TMEM132B: variants seen among roughly 807,000 people sequenced by gnomAD.
TMEM132B encodes the protein transmembrane protein 132B.
In TMEM132B, 18 loss-of-function variants were observed where a neutral mutation model predicts 90.8. The ratio of observed to expected loss-of-function variants is 0.20; its 90% CI spans 0.14 to 0.29. The LOEUF (loss-of-function observed/expected upper bound fraction) is 0.29. Among genes scored for constraint, TMEM132B ranks in the 10% least tolerant of loss-of-function variants. The probability of loss-of-function intolerance (pLI) is 1.00; values close to 1 mark genes in which losing one functional copy is unlikely to be tolerated. For missense variants in TMEM132B, 1,096 were observed against 1,326.8 expected (o/e 0.83, Z 2.70); for synonymous variants, 504 against 523.3 (o/e 0.96, Z 0.50).
chr12:125,358,904 T>G (rs1253268660), intron 2 of TMEM132B, among the ~76,000 whole-genome samples: 3 of 152,244 alleles, frequency 2.0e-5, no homozygotes, highest in Non-Finnish European at 4.4e-5. Flanking sequence ...ATGCAGTAAT[T>G]TCTAAGTGAA....
At chr12:125,281,691 C>A (rs1368911054) in intron 1 of TMEM132B, among the ~76,000 whole-genome samples, 1 of 152,128 alleles carries the variant, frequency 6.6e-6, no homozygotes, top group African/African-American at 2.4e-5. Flanking sequence ...ATCTCAGGTG[C>A]AAACTCTGAA....
chr12:125,290,240 G>T (rs1324009530), intron 1 of TMEM132B, among the ~76,000 whole-genome samples: 2 of 152,182 alleles, frequency 1.3e-5, no homozygotes, highest in Non-Finnish European at 2.9e-5. Flanking sequence ...GGCAATTCTA[G>T]AGCTTCACTT....
chr12:125,219,787 T>A (rs1873517989), intron 1 of TMEM132B, among the ~76,000 whole-genome samples: 1 of 152,240 alleles, frequency 6.6e-6, no homozygotes, highest in Admixed American at 6.5e-5. Flanking sequence ...CTTTCACAGG[T>A]GCCTCAGTGG....
intron 1 of TMEM132B, among the ~76,000 whole-genome samples, chr12:125,285,318 A>G (rs1875318743): frequency 6.6e-6 from 1 of 152,222 alleles, no homozygotes; most frequent in South Asian, 2.1e-4. Context: ...GCTAGCACTA[A>G]TGTTAGCTAC....
At chr12:125,427,528 T>C (rs990533671) in intron 3 of TMEM132B, among the ~76,000 whole-genome samples, 3 of 152,196 alleles carry the variant, frequency 2.0e-5, no homozygotes, top group African/African-American at 7.2e-5. Context: ...AACGCTCTTT[T>C]CGCAGTATCA....
intron 1 of TMEM132B, among the ~76,000 whole-genome samples, chr12:125,270,171 CTG>C (rs1874801780): frequency 6.8e-6 from 1 of 147,348 alleles, no homozygotes. Flanking sequence ...AGGTCTTGCT[CTG>C]TAACCCAGAC....
intron 3 of TMEM132B, among the ~76,000 whole-genome samples, chr12:125,462,870 G>T (rs1881476642): frequency 6.6e-6 from 1 of 152,176 alleles, no homozygotes; most frequent in South Asian, 2.1e-4. Context: ...ATATTTGTTT[G>T]TTTGTTTGAG....
chr12:125,243,446 ACAGGCGCCCG>A (rs1874135883), intron 1 of TMEM132B, among the ~76,000 whole-genome samples: 1 of 152,052 alleles, frequency 6.6e-6, no homozygotes, highest in Non-Finnish European at 1.5e-5. Flanking sequence ...AGCTGGGACT[ACAGGCGCCCG>A]CCAACATGCC....
intron 5 of TMEM132B, among the ~76,000 whole-genome samples, chr12:125,624,321 G>T (rs1886178585): frequency 6.6e-6 from 1 of 152,200 alleles, no homozygotes; most frequent in Admixed American, 6.5e-5. Flanking sequence ...GGACCTGCCA[G>T]TTGCCAGCTG....
chr12:125,462,667 C>G (rs535771388), intron 3 of TMEM132B, among the ~76,000 whole-genome samples: 1 of 152,214 alleles, frequency 6.6e-6, no homozygotes, highest in Admixed American at 6.5e-5. Context: ...TGGTTGAACT[C>G]GGAGTAGATG....
chr12:125,624,647 A>C, intron 5 of TMEM132B, among the ~76,000 whole-genome samples: 1 of 151,864 alleles, frequency 6.6e-6, no homozygotes, highest in Non-Finnish European at 1.5e-5. Flanking sequence ...GCATCATCCT[A>C]TACTATTGAC....
chr12:125,299,197 G>T (rs7313511), intron 1 of TMEM132B, among the ~76,000 whole-genome samples: 7 of 152,048 alleles, frequency 4.6e-5, no homozygotes, highest in Admixed American at 1.3e-4. Context: ...CCGCTTTTAT[G>T]AGGCTGTACC....
chr12:125,585,258 T>C (rs993879460), intron 5 of TMEM132B: 1 of 152,212 alleles, frequency 6.6e-6, no homozygotes, highest in Non-Finnish European at 1.5e-5. Flanking sequence ...GTGGACTGGC[T>C]TAAAACCTGC....
chr12:125,210,550 GT>G (rs1315816412), intron 1 of TMEM132B, among the ~76,000 whole-genome samples: 41 of 152,052 alleles, frequency 2.7e-4, no homozygotes, highest in African/African-American at 9.7e-4. Context: ...GCAGACTCAT[GT>G]GGGTAGTGTG....
intron 2 of TMEM132B, among the ~76,000 whole-genome samples, chr12:125,403,018 A>G (rs1226710612): frequency 3.3e-5 from 5 of 152,138 alleles, no homozygotes; most frequent in African/African-American, 4.8e-5. Flanking sequence ...TACACATCCA[A>G]TTGTTTTAAA....
At chr12:125,597,214 G>C (rs923322783) in intron 5 of TMEM132B, among the ~76,000 whole-genome samples, 2 of 152,136 alleles carry the variant, frequency 1.3e-5, no homozygotes, top group Non-Finnish European at 2.9e-5. Context: ...ATTATTACTT[G>C]GTCTTAAAGT....
chr12:125,187,199 C>T (rs1957765221), intron 1 of TMEM132B, among the ~76,000 whole-genome samples: 1 of 152,142 alleles, frequency 6.6e-6, no homozygotes, highest in Non-Finnish European at 1.5e-5. Flanking sequence ...TGGGCCAAAT[C>T]CCCCCCAGGT....
chr12:125,476,822 C>T (rs1881895035), intron 3 of TMEM132B, among the ~76,000 whole-genome samples: 1 of 152,160 alleles, frequency 6.6e-6, no homozygotes. Context: ...AGTTGGATGG[C>T]TCTCCTGGGA....
chr12:125,578,538 C>T (rs1229000387), intron 4 of TMEM132B, among the ~76,000 whole-genome samples: 1 of 152,024 alleles, frequency 6.6e-6, no homozygotes, highest in African/African-American at 2.4e-5. Flanking sequence ...TACTGGTGCT[C>T]TCTATACCTT....
Sources: allele counts gnomAD v4.1 joint callset (sites outside exome capture counted in the v4.1 genomes callset), GRCh38; gene constraint gnomAD v4.1.1; transcripts MANE v1.5; gene names NCBI Gene and HGNC (gene_info 2026-07-23, HGNC 2026-07-21).